The following SPMIP2 variants were observed in gnomAD, a reference collection of about 807,000 sequenced individuals.
The protein encoded by SPMIP2 is sperm microtubule inner protein 2, also known as protein SPMIP2.
At chr4:159,006,057 C>T in the SPMIP2 span, among the ~76,000 whole-genome samples, 2 of 152,170 alleles carry the variant, frequency 1.3e-5, no homozygotes, top group African/African-American at 2.4e-5. Flanking sequence ...AGCCACCGCG[C>T]CTGACCCTCT....
chr4:158,930,290 A>C, the SPMIP2 span, among the ~76,000 whole-genome samples: 5 of 151,674 alleles, frequency 3.3e-5, no homozygotes, highest in Admixed American at 1.3e-4. Context: ...CAGCTCAGTG[A>C]AGCCTCGACT....
At chr4:159,058,655 C>T in the SPMIP2 span, among the ~76,000 whole-genome samples, 1 of 151,890 alleles carries the variant, frequency 6.6e-6, no homozygotes, top group Non-Finnish European at 1.5e-5. Flanking sequence ...GACTATCAAT[C>T]TAGAAATTCA....
chr4:159,037,713 C>T, the SPMIP2 span, among the ~76,000 whole-genome samples: 1 of 151,034 alleles, frequency 6.6e-6, no homozygotes, highest in Non-Finnish European at 1.5e-5. Flanking sequence ...TTTGAGACTA[C>T]AGTGAGCTGT....
chr4:158,926,443 GTTAT>G, the SPMIP2 span, among the ~76,000 whole-genome samples: 1 of 150,730 alleles, frequency 6.6e-6, no homozygotes, highest in South Asian at 2.1e-4. Context: ...TGACCTATTG[GTTAT>G]TTAAGTTTAT....
chr4:159,034,869 C>T, the SPMIP2 span, among the ~76,000 whole-genome samples: 5 of 151,354 alleles, frequency 3.3e-5, no homozygotes, highest in East Asian at 1.9e-4. Flanking sequence ...CTAGCCTGGG[C>T]GACAGAGCGA....
chr4:158,939,678 T>C, the SPMIP2 span, among the ~76,000 whole-genome samples: 1 of 152,066 alleles, frequency 6.6e-6, no homozygotes, highest in Non-Finnish European at 1.5e-5. Context: ...TCTCCTCTTA[T>C]TTGTTGAAAA....
chr4:158,902,122 A>G, the SPMIP2 span, among the ~76,000 whole-genome samples: 2 of 151,844 alleles, frequency 1.3e-5, no homozygotes. Context: ...ATCTTCATGG[A>G]TTTATCTACC....
the SPMIP2 span, among the ~76,000 whole-genome samples, chr4:158,954,457 A>C: frequency 6.6e-6 from 1 of 152,238 alleles, no homozygotes; most frequent in African/African-American, 2.4e-5. Context: ...TGTCTTTATC[A>C]GCAGTGTGAA....
chr4:158,893,736 ATAT>A, the SPMIP2 span: 1 of 1,538,544 alleles, frequency 6.5e-7, no homozygotes, highest in Non-Finnish European at 8.9e-7. Context: ...GAAGTAATGT[ATAT>A]TAGACTTCAT....
chr4:159,072,696 C>T, the SPMIP2 span, among the ~76,000 whole-genome samples: 1 of 151,956 alleles, frequency 6.6e-6, no homozygotes, highest in Non-Finnish European at 1.5e-5. Context: ...CTCCTGGGCT[C>T]ATGTGATCTA....
the SPMIP2 span, among the ~76,000 whole-genome samples, chr4:158,997,753 A>G: frequency 6.6e-6 from 1 of 152,114 alleles, no homozygotes; most frequent in Non-Finnish European, 1.5e-5. Context: ...CCTGGGCCCA[A>G]ATAATTCCCC....
chr4:158,919,660 T>G, the SPMIP2 span, among the ~76,000 whole-genome samples: 9 of 152,246 alleles, frequency 5.9e-5, no homozygotes. Context: ...TATGTAAAAA[T>G]TCTCATCCCA....
the SPMIP2 span, among the ~76,000 whole-genome samples, chr4:158,896,502 G>A: frequency 6.6e-6 from 1 of 151,044 alleles, no homozygotes; most frequent in East Asian, 1.9e-4. Context: ...GTACATTTGG[G>A]GAACTGCCCC....
At chr4:159,074,741 T>C in the SPMIP2 span, among the ~76,000 whole-genome samples, 2 of 152,168 alleles carry the variant, frequency 1.3e-5, no homozygotes, top group African/African-American at 4.8e-5. Flanking sequence ...ATATTGAATC[T>C]GGGAGGCAGA....
At chr4:158,979,495 G>A in the SPMIP2 span, among the ~76,000 whole-genome samples, 1 of 152,156 alleles carries the variant, frequency 6.6e-6, no homozygotes, top group African/African-American at 2.4e-5. Context: ...ACAGAAGGTG[G>A]GTGATTTCTG....
At chr4:158,976,550 G>C in the SPMIP2 span, among the ~76,000 whole-genome samples, 1 of 149,748 alleles carries the variant, frequency 6.7e-6, no homozygotes, top group Non-Finnish European at 1.5e-5. Flanking sequence ...TAATCATGTT[G>C]TTTTTGTCAT....
At chr4:158,927,899 G>A in the SPMIP2 span, among the ~76,000 whole-genome samples, 11 of 152,292 alleles carry the variant, frequency 7.2e-5, no homozygotes, top group African/African-American at 2.6e-4. Context: ...GCCCACCTGC[G>A]CTGCACTCGA....
At chr4:159,001,718 T>C in the SPMIP2 span, among the ~76,000 whole-genome samples, 2 of 152,248 alleles carry the variant, frequency 1.3e-5, no homozygotes, top group African/African-American at 2.4e-5. Flanking sequence ...GTCGTATATG[T>C]ACCATGTTTT....
the SPMIP2 span, among the ~76,000 whole-genome samples, chr4:158,898,312 G>C: frequency 2.0e-5 from 3 of 152,150 alleles, no homozygotes; most frequent in Non-Finnish European, 4.4e-5. Flanking sequence ...GATTGCCTTG[G>C]CTATGCAGGC....
Sources: allele counts gnomAD v4.1 joint callset (sites outside exome capture counted in the v4.1 genomes callset), GRCh38; gene constraint gnomAD v4.1.1; transcripts MANE v1.5; gene names NCBI Gene and HGNC (gene_info 2026-07-23, HGNC 2026-07-21).